ARB2A: variants seen among roughly 807,000 people sequenced by gnomAD.
ARB2A encodes ARB2 cotranscriptional regulator A.
the ARB2A span, chr5:93,734,893 G>A: frequency 6.6e-6 from 1 of 151,922 alleles, no homozygotes; most frequent in Non-Finnish European, 1.5e-5. Flanking sequence ...GAGTAGCTGG[G>A]ATTAAGGTGC....
At chr5:94,087,319 A>G in the ARB2A span, among the ~76,000 whole-genome samples, 1 of 152,084 alleles carries the variant, frequency 6.6e-6, no homozygotes, top group South Asian at 2.1e-4. Context: ...AGGCAGGAGG[A>G]TGGCTTGAGC....
the ARB2A span, among the ~76,000 whole-genome samples, chr5:93,657,166 G>A: frequency 7.2e-5 from 11 of 152,162 alleles, no homozygotes; most frequent in Admixed American, 3.9e-4. Context: ...TCAGGCCACA[G>A]ATAATAGTAG....
chr5:94,056,381 G>C, the ARB2A span, among the ~76,000 whole-genome samples: 1 of 152,094 alleles, frequency 6.6e-6, no homozygotes, highest in Non-Finnish European at 1.5e-5. Flanking sequence ...CATACAGAAA[G>C]GAACTGTCAG....
chr5:93,673,468 T>C, the ARB2A span, among the ~76,000 whole-genome samples: 2 of 152,146 alleles, frequency 1.3e-5, no homozygotes, highest in Non-Finnish European at 2.9e-5. Flanking sequence ...TATGAACTTC[T>C]TGGAGGAAGG....
At chr5:94,065,081 C>T in the ARB2A span, among the ~76,000 whole-genome samples, 1 of 152,070 alleles carries the variant, frequency 6.6e-6, no homozygotes, top group Non-Finnish European at 1.5e-5. Context: ...CAATAATAAC[C>T]TTTAATATAA....
the ARB2A span, among the ~76,000 whole-genome samples, chr5:94,090,458 T>G: frequency 6.6e-6 from 1 of 152,226 alleles, no homozygotes; most frequent in Non-Finnish European, 1.5e-5. Flanking sequence ...TATATAATCA[T>G]GTCATCTGCA....
the ARB2A span, among the ~76,000 whole-genome samples, chr5:93,980,352 T>C: frequency 5.3e-5 from 8 of 152,292 alleles, no homozygotes; most frequent in Middle Eastern, 3.4e-3. Context: ...TTGTAGATAA[T>C]CATGCTTCAT....
the ARB2A span, among the ~76,000 whole-genome samples, chr5:94,011,202 T>A: frequency 6.6e-6 from 1 of 152,190 alleles, no homozygotes; most frequent in South Asian, 2.1e-4. Flanking sequence ...CTGTGCTTTT[T>A]GGTCCCCATT....
the ARB2A span, among the ~76,000 whole-genome samples, chr5:93,779,391 C>CT: frequency 6.6e-6 from 1 of 151,962 alleles, no homozygotes; most frequent in African/African-American, 2.4e-5. Flanking sequence ...TTACGTGTCC[C>CT]TTTTTTCAAG....
the ARB2A span, among the ~76,000 whole-genome samples, chr5:93,869,984 G>T: frequency 6.6e-6 from 1 of 152,220 alleles, no homozygotes; most frequent in Non-Finnish European, 1.5e-5. Context: ...CTCTTCACAT[G>T]GACGCGTGAG....
the ARB2A span, among the ~76,000 whole-genome samples, chr5:93,974,310 G>C: frequency 2.0e-5 from 3 of 151,964 alleles, no homozygotes; most frequent in Non-Finnish European, 4.4e-5. Flanking sequence ...AAACAAAAAA[G>C]GGCAGAGGTT....
chr5:93,701,296 T>A, the ARB2A span, among the ~76,000 whole-genome samples: 1 of 152,200 alleles, frequency 6.6e-6, no homozygotes, highest in Admixed American at 6.5e-5. Context: ...TCAGTCACTA[T>A]GTTTTAGCAG....
chr5:93,668,884 T>C, the ARB2A span, among the ~76,000 whole-genome samples: 1 of 152,148 alleles, frequency 6.6e-6, no homozygotes, highest in Non-Finnish European at 1.5e-5. Flanking sequence ...AATGCAGACA[T>C]TGCATCTACT....
chr5:93,991,105 A>C, the ARB2A span, among the ~76,000 whole-genome samples: 1 of 152,144 alleles, frequency 6.6e-6, no homozygotes, highest in Non-Finnish European at 1.5e-5. Flanking sequence ...GAACTACTGG[A>C]GAAAACTTAC....
chr5:94,050,398 G>A, the ARB2A span, among the ~76,000 whole-genome samples: 1 of 151,532 alleles, frequency 6.6e-6, no homozygotes, highest in Non-Finnish European at 1.5e-5. Flanking sequence ...GGGACTACAC[G>A]CGCATGCAAC....
chr5:93,958,679 G>C, the ARB2A span: 1 of 831,600 alleles, frequency 1.2e-6, no homozygotes, highest in Non-Finnish European at 1.7e-6. Flanking sequence ...CCAAAGATAA[G>C]ATTATGCTTA....
At chr5:94,069,560 T>C in the ARB2A span, among the ~76,000 whole-genome samples, 1 of 152,164 alleles carries the variant, frequency 6.6e-6, no homozygotes, top group Admixed American at 6.5e-5. Context: ...TAATCCAGAA[T>C]ACACAAGGAA....
the ARB2A span, among the ~76,000 whole-genome samples, chr5:94,076,642 C>T: frequency 6.6e-6 from 1 of 152,176 alleles, no homozygotes; most frequent in Non-Finnish European, 1.5e-5. Context: ...TTAGTGAAGT[C>T]CCACATGATA....
the ARB2A span, chr5:93,741,194 T>C: frequency 1.2e-6 from 2 of 1,613,856 alleles, no homozygotes; most frequent in Non-Finnish European, 1.7e-6. Context: ...TGCAACTCTT[T>C]CAGTATGCCC....
Sources: gnomAD v4.1 joint callset for allele counts (sites outside exome capture counted in the v4.1 genomes callset) on GRCh38, gnomAD v4.1.1 for gene constraint, MANE v1.5 for transcripts, NCBI Gene and HGNC (gene_info 2026-07-23, HGNC 2026-07-21) for gene names.